Variants in GOLGA1 observed in about 807,000 individuals in gnomAD.
GOLGA1 encodes golgin A1.
In GOLGA1, 63 loss-of-function variants were observed where a neutral mutation model predicts 119.7. The observed-to-expected ratio is 0.53, with a 90% CI of 0.43 to 0.65. The LOEUF (loss-of-function observed/expected upper bound fraction) is 0.65, where lower values mean the gene tolerates loss of function less well. Among genes scored for constraint, GOLGA1 ranks in the 30% least tolerant of loss-of-function variants. GOLGA1 has a pLI of 0.00. For synonymous variants in GOLGA1, 318 were observed against 333.4 expected (o/e 0.95, Z 0.50); for missense variants, 798 against 912.8 (o/e 0.87, Z 1.62).
In GOLGA1 at chr9:124,881,030, T is replaced by G. The variant is rs1459277105; in HGVS notation, c.2223+141A>C. Reference sequence around the variant, plus strand: ...TCGCTAAAAAGTGCTTGGATCAAGTTCATCCAAAAGCAGCCAAGCTGATCA... The same window carrying G: ...TCGCTAAAAAGTGCTTGGATCAAGTGCATCCAAAAGCAGCCAAGCTGATCA... On this transcript the variant is annotated intron_variant, in intron 22 of 22. Coordinates refer to ENST00000373555, the MANE Select transcript of GOLGA1 (RefSeq NM_002077.4). This position sits in a 1 kb window ranked among gnomAD's most constrained non-coding sequence, Gnocchi z 4.9. 7.4e-6 allele frequency: 5 copies of G among 671,982 alleles called. No homozygotes were observed. Among genetic ancestry groups the G allele is most frequent in the Non-Finnish European group, 1.4e-5 (5 of 366,584 alleles). The allele number at this position is 671,982 out of a possible 1,614,324, so 41.6% of individuals were successfully genotyped here.
intron 14 of GOLGA1, among the ~76,000 whole-genome samples, 185 bp from the exon 15 acceptor site, chr9:124,898,829 A>G (rs896543984): frequency 1.3e-5 from 2 of 152,094 alleles, no homozygotes; most frequent in Non-Finnish European, 2.9e-5. Flanking sequence ...GAAAAAGAAA[A>G]CCCATCTGTT....
intron 3 of GOLGA1, among the ~76,000 whole-genome samples, chr9:124,935,349 A>C (rs1479089609): frequency 6.6e-6 from 1 of 152,196 alleles, no homozygotes; most frequent in African/African-American, 2.4e-5. Context: ...GCATTAAACA[A>C]AGTTGTGTTA....
chr9:124,914,444 T>C (rs1020422420), intron 10 of GOLGA1, among the ~76,000 whole-genome samples: 5 of 151,442 alleles, frequency 3.3e-5, no homozygotes, highest in African/African-American at 1.2e-4. Flanking sequence ...GAGCTTGCAG[T>C]GAGCCAAGAT....
At chr9:124,939,550 CTTTTTTT>C (rs3051147) in intron 2 of GOLGA1, among the ~76,000 whole-genome samples, 17 of 81,844 alleles carry the variant, frequency 2.1e-4, no homozygotes, top group East Asian at 9.0e-4. Context: ...TTCTTTCTTT[CTTTTTTT>C]TTTTTTTTTT....
At chr9:124,925,685 AGCCTG>A (rs1488812805) in intron 7 of GOLGA1, among the ~76,000 whole-genome samples, 1 of 152,192 alleles carries the variant, frequency 6.6e-6, no homozygotes, top group Non-Finnish European at 1.5e-5. Flanking sequence ...TGCCACTCCC[AGCCTG>A]GGCAACAGAA....
At position 124,911,886 on chromosome 9, in the gene GOLGA1, G is replaced by C. The variant is rs1350064557; in HGVS notation, c.969+15C>G. 1.9e-6 allele frequency: 3 copies of C among 1,608,020 alleles called. No homozygotes were observed. Among genetic ancestry groups the C allele is most frequent in the African/African-American group, 1.3e-5 (1 of 74,768 alleles). On this transcript the variant is annotated intron_variant, in intron 11 of 22. Transcript: ENST00000373555. ...CCTTTCCAACACCAGCCAGCCCAAA[G>C]AGAACAGAAGTTACCTCTTTCAGGA... is the stretch of plus-strand genomic sequence containing the variant.
chr9:124,884,828 A>G (rs1209101568), intron 19 of GOLGA1, among the ~76,000 whole-genome samples: 2 of 152,158 alleles, frequency 1.3e-5, no homozygotes, highest in Non-Finnish European at 2.9e-5. Flanking sequence ...TCTAATAGTT[A>G]CTGAGTCCCT....
At chr9:124,897,653 T>C (rs1363621329) in intron 15 of GOLGA1, among the ~76,000 whole-genome samples, 1 of 152,152 alleles carries the variant, frequency 6.6e-6, no homozygotes, top group African/African-American at 2.4e-5. Context: ...TGCTATTTAA[T>C]ACATCCTAGC....
chr9:124,921,610 T>C, intron 9 of GOLGA1, 113 bp downstream of exon 9: 1 of 856,620 alleles, frequency 1.2e-6, no homozygotes. Context: ...CAGAAGCCTT[T>C]GCCAGCACCG....
At chr9:124,905,768 C>G (rs1288314228) in intron 12 of GOLGA1, among the ~76,000 whole-genome samples, 1 of 151,966 alleles carries the variant, frequency 6.6e-6, no homozygotes. Flanking sequence ...GTGTGATATC[C>G]AAGATCAACT....
chr9:124,912,160 T>A (rs1265905991), intron 10 of GOLGA1, 134 bp from the exon 11 acceptor site: 3 of 749,308 alleles, frequency 4.0e-6, no homozygotes, highest in Admixed American at 2.6e-5. Context: ...CTAAGAGATC[T>A]TCCTGAAAAT....
chr9:124,924,716 G>GAA (rs773241388), intron 7 of GOLGA1, among the ~76,000 whole-genome samples: 9 of 113,628 alleles, frequency 7.9e-5, no homozygotes, highest in South Asian at 2.9e-4. Context: ...ACTCTTGACT[G>GAA]AAAAAAAAAA....
Position 124,899,398 on chromosome 9 carries a change from C to A in GOLGA1, c.1242G>T (p.Ala414=). ...LEQQFLERTQ[A]LEAQIVALER... is the part of the protein sequence containing the mutation. ...CCAGGGCCACTATCTGGGCTTCTAG[C>A]GCCTGGGTGCGCTCCAAGAACTGCT... Residue 414 remains alanine, a synonymous_variant, in exon 14 of 23, where the codon GCG becomes GCT. Coordinates refer to ENST00000373555, the MANE Select transcript of GOLGA1 (RefSeq NM_002077.4). 1 of 1,548,894 alleles carries A rather than the reference C, an allele frequency of 6.5e-7. No homozygotes were observed. The highest frequency in any genetic ancestry group is 1.2e-5 in the South Asian group (1 of 84,082).
intron 10 of GOLGA1, among the ~76,000 whole-genome samples, chr9:124,914,156 A>G (rs1414582484): frequency 6.6e-6 from 1 of 152,214 alleles, no homozygotes; most frequent in African/African-American, 2.4e-5. Context: ...TTATAACTGT[A>G]ATATAGCAGA....
rs1830936217 is a variant in GOLGA1, at chr9:124,938,861, C to T, written c.-150G>A. 3.7e-6 allele frequency: 2 copies of T among 545,500 alleles called. No individual in the cohort carries two copies. The highest frequency in any genetic ancestry group is 3.0e-5 in the East Asian group (1 of 33,186). 33.8% of individuals were successfully genotyped at this position (545,500 alleles called of 1,614,324 possible). Reference sequence around the variant, plus strand: ...TGTGGGCCAAGGGCTTATGGCAACACAGGATCTACAAATCAGATGAAAGAG... The same window carrying T: ...TGTGGGCCAAGGGCTTATGGCAACATAGGATCTACAAATCAGATGAAAGAG... On this transcript the variant is annotated 5_prime_UTR_variant, in exon 3 of 23. The change creates a new upstream start codon in the 5' untranslated region. Coordinates refer to ENST00000373555, the MANE Select transcript of GOLGA1 (RefSeq NM_002077.4).
chr9:124,920,152 C>G (rs1030335831), intron 10 of GOLGA1, among the ~76,000 whole-genome samples: 1 of 151,926 alleles, frequency 6.6e-6, no homozygotes, highest in Non-Finnish European at 1.5e-5. Flanking sequence ...GATAGTCTTG[C>G]TCTATTGCCT....
chr9:124,923,156 C>T lies in GOLGA1; in HGVS notation c.500G>A (p.Arg167Lys), dbSNP rs1310973642. 1.9e-6 allele frequency: 3 copies of T among 1,602,814 alleles called. No individual in the cohort carries two copies. In the African/African-American group the frequency reaches 4.0e-5, roughly 21 times the overall value. ...CCCCTCTAATTCATCCATTTCATCT[C>T]TCCTTTGGAAAAGATTCATACTCTG... ...KNQSMNLFQRRDEMDELEGFQ... is the reference protein window; with the variant it reads ...KNQSMNLFQRKDEMDELEGFQ... The change falls in exon 8 of 23, where the codon AGA (arginine) becomes AAA (lysine). Residue 167 changes from arginine to lysine, a missense_variant. By Grantham distance (26) the Arg-to-Lys change is conservative. Coordinates refer to ENST00000373555, the MANE Select transcript of GOLGA1 (RefSeq NM_002077.4).
intron 17 of GOLGA1, 34 bp from the exon 18 acceptor site, chr9:124,889,337 G>T: frequency 6.2e-7 from 1 of 1,609,274 alleles, no homozygotes; most frequent in Non-Finnish European, 8.5e-7. Flanking sequence ...GGCACTGTGA[G>T]CCCAGTGACT....
chr9:124,884,274 A>G (rs1452993733), intron 19 of GOLGA1, among the ~76,000 whole-genome samples: 2 of 151,910 alleles, frequency 1.3e-5, no homozygotes, highest in African/African-American at 2.4e-5. Flanking sequence ...GGCCTCCCAA[A>G]GTGATGAAAT....
Sources: allele counts gnomAD v4.1 joint callset (sites outside exome capture counted in the v4.1 genomes callset), GRCh38; gene constraint gnomAD v4.1.1; non-coding constraint Gnocchi (gnomAD v3.1); transcripts MANE v1.5; gene names NCBI Gene and HGNC (gene_info 2026-07-23, HGNC 2026-07-21).